The following APBB2 variants were observed in gnomAD, a reference collection of about 807,000 sequenced individuals.
APBB2 encodes amyloid beta precursor protein binding family B member 2, also known as Fe65-like 1.
Under a neutral mutation model 82.5 loss-of-function variants are expected in APBB2, and 38 were observed. The observed-to-expected ratio is 0.46, with a 90% CI of 0.36 to 0.60. The LOEUF is 0.60. Among genes scored for constraint, APBB2 ranks in the 20% least tolerant of loss-of-function variants. The pLI, the probability that APBB2 is intolerant of heterozygous loss-of-function variation, is 0.00. For missense variants in APBB2, 772 were observed against 972.3 expected (o/e 0.79, Z 2.74); for synonymous variants, 341 against 368.2 (o/e 0.93, Z 0.85).
At chr4:40,827,636 A>C (rs752741129) in intron 13 of APBB2, among the ~76,000 whole-genome samples, 1 of 152,054 alleles carries the variant, frequency 6.6e-6, no homozygotes, top group Admixed American at 6.6e-5. Flanking sequence ...TTCAAACTGC[A>C]CCTCTGCCAC....
At chr4:40,906,494 G>C (rs907067205) in intron 10 of APBB2, among the ~76,000 whole-genome samples, 235 of 133,700 alleles carry the variant, frequency 1.8e-3, no homozygotes, top group Non-Finnish European at 2.9e-3. Context: ...AAAAAGAAAA[G>C]AAAAGAAAAG....
chr4:40,927,712 G>A (rs1157770877), intron 10 of APBB2, among the ~76,000 whole-genome samples: 3 of 152,102 alleles, frequency 2.0e-5, no homozygotes, highest in East Asian at 3.9e-4. Flanking sequence ...GAACTCCTGG[G>A]CTCAAGAGAT....
At chr4:41,114,426 C>T (rs531759697) in intron 2 of APBB2, among the ~76,000 whole-genome samples, 5 of 152,282 alleles carry the variant, frequency 3.3e-5, no homozygotes, top group African/African-American at 1.2e-4. Flanking sequence ...CAAGGATGCC[C>T]TCTCTCATCA....
chr4:41,213,281 CG>C (rs1779788881), intron 1 of APBB2, among the ~76,000 whole-genome samples: 1 of 152,066 alleles, frequency 6.6e-6, no homozygotes, highest in Admixed American at 6.5e-5. Context: ...GGGTATTTCA[CG>C]TAAGTAATTA....
intron 3 of APBB2, among the ~76,000 whole-genome samples, chr4:41,073,412 A>T (rs746244275): frequency 6.6e-6 from 1 of 152,148 alleles, no homozygotes; most frequent in Non-Finnish European, 1.5e-5. Flanking sequence ...CTGTAATGTG[A>T]TTTAGCAGTT....
intron 10 of APBB2, among the ~76,000 whole-genome samples, chr4:40,933,733 G>A (rs1784769101): frequency 6.6e-6 from 1 of 152,238 alleles, no homozygotes; most frequent in African/African-American, 2.4e-5. Flanking sequence ...GGGACGCTGG[G>A]AGGTGGCAGG....
chr4:40,995,238 A>T (rs1370151951), intron 6 of APBB2, among the ~76,000 whole-genome samples: 1 of 152,200 alleles, frequency 6.6e-6, no homozygotes, highest in Non-Finnish European at 1.5e-5. Flanking sequence ...TGTGCACTGA[A>T]CATGCAGTAC....
intron 2 of APBB2, among the ~76,000 whole-genome samples, chr4:41,113,346 C>T (rs953062290): frequency 6.6e-6 from 1 of 152,086 alleles, no homozygotes; most frequent in Non-Finnish European, 1.5e-5. Context: ...CTAAAAATCT[C>T]AATATCATAG....
chr4:41,168,209 C>T (rs1304306777), intron 1 of APBB2, among the ~76,000 whole-genome samples: 1 of 52,164 alleles, frequency 1.9e-5, no homozygotes, highest in Non-Finnish European at 3.5e-5. Context: ...GCGGAGCCTG[C>T]AGTGAGCCGA....
chr4:40,857,250 C>T lies in APBB2; in HGVS notation c.1530-26673G>A, dbSNP rs537547371. The T allele has an allele frequency of 1.2e-4, 105 of 883,936 alleles. No individual in the cohort carries two copies. The South Asian group carries it at 3.0e-3, about 25-fold the overall frequency. 54.8% of individuals were successfully genotyped at this position (883,936 alleles called of 1,614,324 possible). A position where few individuals can be genotyped will look rare whatever the true frequency, so the allele number is the denominator to read the frequency against. The stretch of plus-strand genomic sequence containing the variant: ...GGGGAGGCGCGTGGCCCCGCCCCAC[C>T]CGGCCGCACTCCCGTGAAGTGCTCC... On this transcript the variant is annotated intron_variant, in intron 12 of 17. Coordinates refer to ENST00000508593, the MANE Select transcript of APBB2 (RefSeq NM_004307.2).
At position 41,127,869 on chromosome 4, in the gene APBB2, C is replaced by A. The variant is rs756765633; in HGVS notation, c.-261+15118G>T. 3.3e-5 allele frequency among the ~76,000 whole-genome samples: 5 copies of A among 152,052 alleles called. No individual in the cohort carries two copies. The highest frequency in any genetic ancestry group is 4.8e-5 in the African/African-American group (2 of 41,410). ...CGGAGGCGGGTGGATTACCTGAGGT[C>A]AGGAGTTCGAGACCAGCCTGGCCAA... On this transcript the variant is annotated intron_variant, in intron 2 of 17. Transcript: ENST00000508593. This position sits in a 1 kb window ranked among gnomAD's most constrained non-coding sequence, Gnocchi z 4.8.
At chr4:41,052,191 G>C (rs1387453061) in intron 4 of APBB2, among the ~76,000 whole-genome samples, 1 of 133,938 alleles carries the variant, frequency 7.5e-6, no homozygotes, top group Non-Finnish European at 1.6e-5. Context: ...AACATAGCAA[G>C]ACCTTGTCTG....
intron 2 of APBB2, among the ~76,000 whole-genome samples, chr4:41,134,390 T>C (rs530890352): frequency 1.4e-4 from 21 of 152,146 alleles, no homozygotes; most frequent in African/African-American, 3.4e-4. Context: ...CCATCCTGGC[T>C]AACATGGTGA....
At chr4:40,945,920 T>C (rs1788252556) in intron 6 of APBB2, among the ~76,000 whole-genome samples, 1 of 152,208 alleles carries the variant, frequency 6.6e-6, no homozygotes. Flanking sequence ...TACTCTAGAA[T>C]TCTAATTGCA....
intron 6 of APBB2, among the ~76,000 whole-genome samples, chr4:40,952,368 G>A (rs191678561): frequency 3.3e-5 from 5 of 152,130 alleles, no homozygotes; most frequent in Non-Finnish European, 7.4e-5. Context: ...GTATGCCCCT[G>A]GCTGGTGACG....
chr4:40,914,234 A>G (rs918663934), intron 10 of APBB2, among the ~76,000 whole-genome samples: 2 of 152,074 alleles, frequency 1.3e-5, no homozygotes, highest in Non-Finnish European at 2.9e-5. Context: ...TTAGCCAGGC[A>G]TGGTGGCAGG....
At chr4:41,128,033 T>C (rs1754886925) in intron 2 of APBB2, among the ~76,000 whole-genome samples, 2 of 151,890 alleles carry the variant, frequency 1.3e-5, no homozygotes, top group Non-Finnish European at 2.9e-5. Flanking sequence ...TATGCCAAGA[T>C]TGCACCACTG....
At chr4:40,990,229 A>T (rs1801627062) in intron 6 of APBB2, 1 of 152,142 alleles carries the variant, frequency 6.6e-6, no homozygotes, top group African/African-American at 2.4e-5. Flanking sequence ...GTCTAGTTAG[A>T]ACTTGGATGG....
At chr4:40,860,399 C>A (rs1291791488) in intron 12 of APBB2, among the ~76,000 whole-genome samples, 1 of 152,120 alleles carries the variant, frequency 6.6e-6, no homozygotes, top group East Asian at 1.9e-4. Context: ...TCCTGGACAC[C>A]AAGGCTTGGA....
Sources: allele counts gnomAD v4.1 joint callset (sites outside exome capture counted in the v4.1 genomes callset), GRCh38; gene constraint gnomAD v4.1.1; non-coding constraint Gnocchi (gnomAD v3.1); transcripts MANE v1.5; gene names NCBI Gene and HGNC (gene_info 2026-07-23, HGNC 2026-07-21).